Variants in WNT7B observed in about 807,000 individuals in gnomAD.
The protein encoded by WNT7B is Wnt family member 7B.
Under a neutral mutation model 38.2 loss-of-function variants are expected in WNT7B, and 19 were observed. That is an observed-to-expected ratio of 0.50 (90% CI 0.35 to 0.73). The LOEUF (loss-of-function observed/expected upper bound fraction) is 0.73, where lower values mean the gene tolerates loss of function less well. WNT7B is among the 30% of genes least tolerant of loss of function. The probability of loss-of-function intolerance (pLI) is 0.01; values close to 1 mark genes in which losing one functional copy is unlikely to be tolerated. For missense variants in WNT7B, 423 were observed against 507.9 expected, an observed-to-expected ratio of 0.83 and a Z score of 1.61; for synonymous variants, 243 against 209.3, an observed-to-expected ratio of 1.16 and a Z score of -1.39.
chr22:45,926,303 G>A, intron 3 of WNT7B: 4 of 985,448 alleles, frequency 4.1e-6, no homozygotes, highest in Non-Finnish European at 4.8e-6. Flanking sequence ...GGCACAGAGT[G>A]AGCTCATCTT....
intron 3 of WNT7B, among the ~76,000 whole-genome samples, chr22:45,929,791 T>C (rs1022880173): frequency 1.2e-4 from 13 of 109,800 alleles, no homozygotes; most frequent in African/African-American, 4.0e-4. Flanking sequence ...CACCCACCGA[T>C]CCACTCAACC....
At chr22:45,948,827 CT>C (rs749735538) in intron 2 of WNT7B, among the ~76,000 whole-genome samples, 4,246 of 89,298 alleles carry the variant, frequency 0.048, 113 homozygotes, top group African/African-American at 0.1. Context: ...CCAAAGATCC[CT>C]TTTTTTTTTT....
At chr22:45,933,616 G>A (rs1438455114) in intron 2 of WNT7B, among the ~76,000 whole-genome samples, 2 of 152,166 alleles carry the variant, frequency 1.3e-5, no homozygotes, top group African/African-American at 4.8e-5. Flanking sequence ...GGGTGGAGAA[G>A]GGCCACAGAG....
At chr22:45,949,350 C>T (rs1010750373) in intron 2 of WNT7B, among the ~76,000 whole-genome samples, 2 of 150,624 alleles carry the variant, frequency 1.3e-5, no homozygotes, top group East Asian at 2.0e-4. Context: ...CCCTGCCCTC[C>T]GGCCATTGGA....
chr22:45,929,960 A>C (rs1053236749), intron 3 of WNT7B, among the ~76,000 whole-genome samples: 24 of 149,176 alleles, frequency 1.6e-4, no homozygotes, highest in Non-Finnish European at 3.0e-4. Context: ...ATCCACTCAT[A>C]CATCTATCCA....
chr22:45,960,151 G>A (rs1034312950), intron 1 of WNT7B, among the ~76,000 whole-genome samples: 3 of 152,136 alleles, frequency 2.0e-5, no homozygotes, highest in African/African-American at 7.2e-5. Context: ...CCCAGCCCCA[G>A]CCCAGGCTGC....
At chr22:45,968,495 G>T (rs1932360808) in intron 1 of WNT7B, among the ~76,000 whole-genome samples, 1 of 152,224 alleles carries the variant, frequency 6.6e-6, no homozygotes, top group African/African-American at 2.4e-5. Context: ...TGAGGACCCA[G>T]ATCTGAGTCA....
At chr22:45,926,768 C>G (rs571770627) in intron 3 of WNT7B, 5 of 985,282 alleles carry the variant, frequency 5.1e-6, no homozygotes, top group African/African-American at 1.7e-5. Flanking sequence ...CCTCTGACCA[C>G]GAGCCCACAG....
rs1432337163 is a variant in WNT7B at position 45,976,838 on chromosome 22, G to C, written c.-84C>G. The stretch of plus-strand genomic sequence containing the variant: ...GGCAGGGCCGGGCAGGGGCCAGGGG[G>C]CTGCGGGCAGACTGCGCTCAGCCCG... On this transcript the variant is annotated 5_prime_UTR_variant, in exon 1 of 4. Transcript: ENST00000339464. This position sits in a 1 kb window ranked among gnomAD's most constrained non-coding sequence, Gnocchi z 8.5. 7.9e-7 allele frequency: 1 copy of C among 1,267,646 alleles called. No individual in the cohort carries two copies. The highest frequency in any genetic ancestry group is 4.2e-5 in the East Asian group (1 of 23,788). 78.5% of individuals were successfully genotyped at this position (1,267,646 alleles called of 1,614,324 possible).
At chr22:45,926,908 C>A in intron 3 of WNT7B, 1 of 985,450 alleles carries the variant, frequency 1.0e-6, no homozygotes, top group African/African-American at 1.7e-5. Flanking sequence ...GCCCACCCAG[C>A]AGGACGCTGT....
At chr22:45,934,086 C>T (rs552871286) in intron 2 of WNT7B, among the ~76,000 whole-genome samples, 6 of 152,336 alleles carry the variant, frequency 3.9e-5, no homozygotes, top group African/African-American at 7.2e-5. Flanking sequence ...TTCACCTGGA[C>T]GTTAGGATGA....
intron 2 of WNT7B, among the ~76,000 whole-genome samples, chr22:45,931,656 A>C (rs957735565): frequency 2.0e-5 from 3 of 152,122 alleles, no homozygotes; most frequent in African/African-American, 7.2e-5. Context: ...TCCAGCATGC[A>C]GTGCTGCCGA....
intron 1 of WNT7B, among the ~76,000 whole-genome samples, chr22:45,957,422 A>C (rs1601735658): frequency 1.3e-5 from 2 of 151,724 alleles, no homozygotes; most frequent in Non-Finnish European, 2.9e-5. Flanking sequence ...GGTGGCTCAC[A>C]CCTGTAATCC....
At chr22:45,957,393 C>T (rs1932090555) in intron 1 of WNT7B, among the ~76,000 whole-genome samples, 3 of 151,524 alleles carry the variant, frequency 2.0e-5, no homozygotes, top group Non-Finnish European at 4.4e-5. Context: ...AATTAAAATA[C>T]AGAAAACAGG....
chr22:45,950,067 T>C lies in WNT7B; in HGVS notation c.151A>G (p.Ile51Val), dbSNP rs1931895133. The change falls in exon 2 of 4, where the codon ATC becomes GTC. Residue 51 changes from isoleucine to valine, a missense_variant. Around this residue, in one of 3 missense-constraint regions of WNT7B, gnomAD observed 133 missense variants for 179.8 expected, o/e 0.74. Coordinates refer to ENST00000339464, the MANE Select transcript of WNT7B (RefSeq NM_058238.3). ...ATGGCATCGGGCCGACTCTGGCAGA[T>C]GGCACGCTGCCGCGGGGCTAGGCCA... is the stretch of plus-strand genomic sequence containing the variant. ...IPGLAPRQRA[I>V]CQSRPDAIIV... 6.2e-7 allele frequency: 1 copy of C among 1,614,050 alleles called. No individual in the cohort carries two copies. Among genetic ancestry groups the C allele is most frequent in the East Asian group, 2.2e-5 (1 of 44,880 alleles).
intron 3 of WNT7B, chr22:45,926,579 C>T (rs774284645): frequency 4.7e-5 from 46 of 985,394 alleles, no homozygotes; most frequent in East Asian, 4.5e-4. Context: ...TCCGATATTC[C>T]GGCCACTGGG....
chr22:45,930,840 G>A lies in WNT7B; in HGVS notation c.570+258C>T, dbSNP rs544523366. On this transcript the variant is annotated intron_variant, in intron 3 of 3. Coordinates refer to ENST00000339464, the MANE Select transcript of WNT7B (RefSeq NM_058238.3). ...AGCTCACACCCTGCATGGAAATGGAGTCCCCATCTTCCCTGGGGGCCGTGA... is the reference window on the plus strand; with the variant it reads ...AGCTCACACCCTGCATGGAAATGGAATCCCCATCTTCCCTGGGGGCCGTGA... Among the ~76,000 whole-genome samples, 11 of 152,320 alleles carry A rather than the reference G, an allele frequency of 7.2e-5. No individual in the cohort carries two copies. In the East Asian group the frequency reaches 7.7e-4, roughly 11 times the overall value.
chr22:45,937,364 G>A (rs769428398), intron 2 of WNT7B, among the ~76,000 whole-genome samples: 40 of 152,238 alleles, frequency 2.6e-4, no homozygotes, highest in Non-Finnish European at 4.3e-4. Flanking sequence ...GGCCAGCTGA[G>A]TGACCTCAGA....
At chr22:45,956,930 GC>G (rs1932077611) in intron 1 of WNT7B, among the ~76,000 whole-genome samples, 1 of 151,952 alleles carries the variant, frequency 6.6e-6, no homozygotes, top group African/African-American at 2.4e-5. Flanking sequence ...ACACGGTGAA[GC>G]CCCATCTCTA....
Sources: gnomAD v4.1 joint callset for allele counts (sites outside exome capture counted in the v4.1 genomes callset) on GRCh38, gnomAD v4.1.1 for gene constraint, gnomAD v4.1.1 regional missense constraint, Gnocchi (gnomAD v3.1) non-coding constraint, MANE v1.5 for transcripts, NCBI Gene and HGNC (gene_info 2026-07-23, HGNC 2026-07-21) for gene names.